Variants in NEFH observed in about 807,000 individuals in gnomAD.
NEFH encodes the protein neurofilament heavy polypeptide.
Under a neutral mutation model 56.6 loss-of-function variants are expected in NEFH, and 58 were observed. The observed-to-expected ratio is 1.03, with a 90% confidence interval of 0.83 to 1.28. The LOEUF (loss-of-function observed/expected upper bound fraction) is 1.28, where lower values mean the gene tolerates loss of function less well. NEFH is among the 50% of genes most tolerant of loss of function. NEFH has a pLI of 0.00. For missense variants in NEFH, 1,221 were observed against 1,307.6 expected (o/e 0.93, Z 1.02); for synonymous variants, 542 against 545.8 (o/e 0.99, Z 0.10).
At chr22:29,487,748 T>G (rs778445687) in intron 3 of NEFH, among the ~76,000 whole-genome samples, 2 of 152,064 alleles carry the variant, frequency 1.3e-5, no homozygotes, top group African/African-American at 4.8e-5. Context: ...CTGCTAAATT[T>G]GGGAAGTACT....
intron 2 of NEFH, among the ~76,000 whole-genome samples, chr22:29,484,156 G>C (rs1466553015): frequency 1.3e-5 from 2 of 152,114 alleles, no homozygotes; most frequent in Non-Finnish European, 2.9e-5. Flanking sequence ...GGCCTAAAGA[G>C]ATATACTTTA....
At chr22:29,484,589 G>T (rs1003729822) in intron 2 of NEFH, among the ~76,000 whole-genome samples, 1 of 152,208 alleles carries the variant, frequency 6.6e-6, no homozygotes, top group Non-Finnish European at 1.5e-5. Context: ...GGGGGTTACA[G>T]TGAGCCGAGA....
Position 29,489,132 on chromosome 22 carries a change from G to A in NEFH, c.1492G>A (p.Glu498Lys). 1 of 1,613,596 alleles carries A rather than the reference G, an allele frequency of 6.2e-7. No individual in the cohort carries two copies. Among genetic ancestry groups the A allele is most frequent in the Non-Finnish European group, 8.5e-7 (1 of 1,179,776 alleles). The change falls in exon 4 of 4, where the codon GAA becomes AAA. Residue 498 changes from glutamate to lysine, a missense_variant. Around this residue, in one of 4 missense-constraint regions of NEFH, gnomAD observed 243 missense variants for 299.1 expected, o/e 0.81. Coordinates refer to ENST00000310624, the MANE Select transcript of NEFH (RefSeq NM_021076.4). ...GGEEEEAEGG[E>K]EETKSPPAEE... ...TGAAGAAGAGGAGGCAGAAGGGGGA[G>A]AAGAAGAAACAAAGTCTCCCCCAGC...
Position 29,490,080 on chromosome 22 carries a change from A to T in NEFH, c.2440A>T (p.Ile814Phe), listed in dbSNP as rs748832999. ...KEDAKAPEKEIPKKEEVKSPV... is the reference protein window; with the variant it reads ...KEDAKAPEKEFPKKEEVKSPV... ...GGATGCCAAGGCCCCTGAGAAGGAG[A>T]TCCCAAAAAAGGAAGAGGTGAAGTC... The change falls in exon 4 of 4, where the codon ATC becomes TTC. Residue 814 changes from isoleucine (I) to phenylalanine (F), a missense_variant. Ile to Phe is a conservative substitution (Grantham distance 21). Transcript: ENST00000310624. 1 of 1,613,404 alleles carries T rather than the reference A, an allele frequency of 6.2e-7. No individual in the cohort carries two copies. Among genetic ancestry groups the T allele is most frequent in the South Asian group, 1.1e-5 (1 of 91,014 alleles).
intron 2 of NEFH, 83 bp downstream of exon 2, chr22:29,483,657 G>T (rs570932481): frequency 3.8e-4 from 523 of 1,366,746 alleles, no homozygotes; most frequent in Middle Eastern, 1.2e-3. Context: ...ACTGAGTGGG[G>T]TTGTAGTGGT....
Position 29,490,936 on chromosome 22 carries a change from C to T in NEFH, c.*233C>T. The T allele has an allele frequency of 2.9e-6, 2 of 701,436 alleles. No individual in the cohort carries two copies. Among genetic ancestry groups the T allele is most frequent in the East Asian group, 5.7e-5 (2 of 35,362 alleles). 43.5% of individuals were successfully genotyped at this position (701,436 alleles called of 1,614,324 possible). The stretch of plus-strand genomic sequence containing the variant: ...CCCAGGCGATGGACAATTATGATAG[C>T]TTATGTAGCTGAATGTGATACATGC... On this transcript the variant is annotated 3_prime_UTR_variant, in exon 4 of 4. Transcript: ENST00000310624.
rs745757996 is a variant in NEFH, at chr22:29,490,473, G to A, written c.2833G>A (p.Ala945Thr). Residue 945 changes from alanine to threonine, a missense_variant, in exon 4 of 4, where the codon GCA (alanine) becomes ACA (threonine). Physicochemically the swap from Ala to Thr is moderately conservative, Grantham distance 58. Around this residue, in one of 4 missense-constraint regions of NEFH, gnomAD observed 301 missense variants for 346.6 expected, o/e 0.87. Transcript: ENST00000310624. Reference sequence around the variant, plus strand: ...CAAGGCCAAGGAACCCAGCAAACCAGCAGAGAAGAAGGAGGCAGCACCGGA... The same window carrying A: ...CAAGGCCAAGGAACCCAGCAAACCAACAGAGAAGAAGGAGGCAGCACCGGA... Reference protein sequence around the residue: ...DAKAKEPSKPAEKKEAAPEKK... With the variant: ...DAKAKEPSKPTEKKEAAPEKK... 4.3e-5 allele frequency: 69 copies of A among 1,590,818 alleles called. No homozygotes were observed. Among genetic ancestry groups the A allele is most frequent in the Non-Finnish European group, 5.6e-5 (66 of 1,173,904 alleles).
chr22:29,482,633 C>T (rs927553036), intron 1 of NEFH, among the ~76,000 whole-genome samples: 2 of 152,244 alleles, frequency 1.3e-5, no homozygotes, highest in Non-Finnish European at 2.9e-5. Context: ...CCTCATGCCT[C>T]CTAAAGGTCA....
intron 2 of NEFH, among the ~76,000 whole-genome samples, chr22:29,484,760 A>T (rs1037186674): frequency 6.6e-6 from 1 of 151,948 alleles, no homozygotes; most frequent in Admixed American, 6.6e-5. Context: ...CCAAACCCTG[A>T]CTGTGTGGTG....
chr22:29,485,925 C>T (rs1487132360), intron 3 of NEFH, 78 bp downstream of exon 3: 5 of 1,526,492 alleles, frequency 3.3e-6, no homozygotes, highest in Non-Finnish European at 4.5e-6. Flanking sequence ...TTTCAAGACC[C>T]CGTTTAGGCA....
At position 29,480,761 on chromosome 22, in the gene NEFH, C is replaced by T; in HGVS notation, c.499C>T (p.Leu167=). The stretch of plus-strand genomic sequence containing the variant: ...GCGCCTGGGCGCGGCGCGCGGTCAG[C>T]TACGCCTGGAGCAGGAGCACCTGCT... ...VLRLGAARGQ[L]RLEQEHLLED... Residue 167 remains leucine (L), a synonymous_variant, in exon 1 of 4, where the codon CTA becomes TTA. Coordinates refer to ENST00000310624, the MANE Select transcript of NEFH (RefSeq NM_021076.4). 2.1e-6 allele frequency: 3 copies of T among 1,448,050 alleles called. No individual in the cohort carries two copies. The highest frequency in any genetic ancestry group is 2.7e-6 in the Non-Finnish European group (3 of 1,111,904). 89.7% of individuals were successfully genotyped at this position (1,448,050 alleles called of 1,614,324 possible).
chr22:29,480,439 C>T lies in NEFH; in HGVS notation c.177C>T (p.Ser59=), dbSNP rs2062996693. The T allele has an allele frequency of 6.5e-7, 1 of 1,531,884 alleles. No homozygotes were observed. The highest frequency in any genetic ancestry group is 8.7e-7 in the Non-Finnish European group (1 of 1,145,720). The allele number at this position is 1,531,884 out of a possible 1,614,324, so 94.9% of individuals were successfully genotyped here. Reference sequence around the variant, plus strand: ...CACGGACGTCCGTGAGCTCCGTGTCCGCCTCGCCCAGCCGCTTCCGTGGCG... The same window carrying T: ...CACGGACGTCCGTGAGCTCCGTGTCTGCCTCGCCCAGCCGCTTCCGTGGCG... ...SWTRTSVSSV[S]ASPSRFRGAG... The change falls in exon 1 of 4, where the codon TCC becomes TCT. Residue 59 remains serine, a synonymous_variant. Transcript: ENST00000310624.
rs779619065 is a variant in NEFH at position 29,480,733 on chromosome 22, G to C, written c.471G>C (p.Val157=). 2 of 1,469,638 alleles carry C rather than the reference G, an allele frequency of 1.4e-6. No homozygotes were observed. Among genetic ancestry groups the C allele is most frequent in the Non-Finnish European group, 1.8e-6 (2 of 1,121,202 alleles). The allele number at this position is 1,469,638 out of a possible 1,614,324, so 91.0% of individuals were successfully genotyped here. ...AGGTCCGCGAGATGCGCGGCGCGGT[G>C]CTGCGCCTGGGCGCGGCGCGCGGTC... ...EREVREMRGA[V]LRLGAARGQL... The change falls in exon 1 of 4, where the codon GTG becomes GTC. Residue 157 remains valine, a synonymous_variant. Transcript: ENST00000310624.
At chr22:29,483,719 C>T in intron 2 of NEFH, 145 bp downstream of exon 2, 2 of 667,834 alleles carry the variant, frequency 3.0e-6, no homozygotes, top group African/African-American at 3.7e-5. Flanking sequence ...AGCTGTGTGA[C>T]CCTAGGAAAG....
At chr22:29,486,496 CTT>C (rs1281854355) in intron 3 of NEFH, among the ~76,000 whole-genome samples, 3 of 149,662 alleles carry the variant, frequency 2.0e-5, no homozygotes, top group Admixed American at 6.7e-5. Context: ...GGCAGCCACT[CTT>C]TTACTCTGAG....
intron 3 of NEFH, 89 bp downstream of exon 3, chr22:29,485,936 G>A: frequency 1.4e-6 from 2 of 1,450,804 alleles, no homozygotes; most frequent in Non-Finnish European, 1.9e-6. Context: ...CGTTTAGGCA[G>A]CCTACCTGTC....
chr22:29,489,500 C>T lies in NEFH; in HGVS notation c.1860C>T (p.Ser620=). The T allele has an allele frequency of 6.3e-7, 1 of 1,598,016 alleles. No homozygotes were observed. Residue 620 remains serine (S), a synonymous_variant, in exon 4 of 4, where the codon TCC becomes TCT. Coordinates refer to ENST00000310624, the MANE Select transcript of NEFH (RefSeq NM_021076.4). ...CAAAGTCACCGGCTGAGGCCAAGTC[C>T]CCAGTGAAGGAAGAAGCAAAATCTC... ...EEAKSPAEAK[S]PVKEEAKSPA...
At position 29,480,996 on chromosome 22, in the gene NEFH, T is replaced by G. The variant is rs1417117086; in HGVS notation, c.734T>G (p.Ile245Ser). 4.6e-6 allele frequency: 7 copies of G among 1,531,790 alleles called. No homozygotes were observed. The African/African-American group carries it at 6.9e-5, about 15-fold the overall frequency. The allele number at this position is 1,531,790 out of a possible 1,614,324, so 94.9% of individuals were successfully genotyped here. ...GAGGTGGGCGAGCTGCTCGGCCAGA[T>G]CCAGGGCTCCGGCGCCGCGCAGGCG... ...QEEVGELLGQIQGSGAAQAQM... is the reference protein window; with the variant it reads ...QEEVGELLGQSQGSGAAQAQM... Residue 245 changes from isoleucine to serine, a missense_variant, in exon 1 of 4, where the codon ATC becomes AGC. By Grantham distance (142) the Ile-to-Ser change is moderately radical. Around this residue, in one of 4 missense-constraint regions of NEFH, gnomAD observed 640 missense variants for 555.5 expected, o/e 1.15. Coordinates refer to ENST00000310624, the MANE Select transcript of NEFH (RefSeq NM_021076.4).
At chr22:29,485,624 G>C (rs961370685) in intron 2 of NEFH, 99 bp from the exon 3 acceptor site, 3 of 1,480,270 alleles carry the variant, frequency 2.0e-6, no homozygotes, top group Admixed American at 3.9e-5. Context: ...AGCCTGGCTG[G>C]ATGGGCCTGC....
Sources: gnomAD v4.1 joint callset for allele counts (sites outside exome capture counted in the v4.1 genomes callset) on GRCh38, gnomAD v4.1.1 for gene constraint, gnomAD v4.1.1 regional missense constraint, MANE v1.5 for transcripts, NCBI Gene and HGNC (gene_info 2026-07-23, HGNC 2026-07-21) for gene names.